The following GREB1L variants were observed in gnomAD, a reference collection of about 807,000 sequenced individuals.
GREB1L encodes the protein GREB1-like protein.
GREB1L carries 17 observed loss-of-function variants against 200.8 expected under a neutral mutation model. The observed-to-expected ratio is 0.08, with a 90% CI of 0.06 to 0.13. The LOEUF is 0.13. GREB1L is among the 10% of genes least tolerant of loss of function. The probability of loss-of-function intolerance (pLI) is 1.00; values close to 1 mark genes in which losing one functional copy is unlikely to be tolerated. For missense variants in GREB1L, 1,657 were observed against 2,367.7 expected, an observed-to-expected ratio of 0.70 and a Z score of 6.23; for synonymous variants, 789 against 893.0, an observed-to-expected ratio of 0.88 and a Z score of 2.08.
chr18:21,331,557 C>A (rs1286468880), intron 1 of GREB1L, among the ~76,000 whole-genome samples: 1 of 152,172 alleles, frequency 6.6e-6, no homozygotes, highest in African/African-American at 2.4e-5. Flanking sequence ...TCTAAGAATT[C>A]TTGGAGACCC....
At chr18:21,446,556 C>T (rs1429386694) in intron 11 of GREB1L, among the ~76,000 whole-genome samples, 2 of 152,176 alleles carry the variant, frequency 1.3e-5, no homozygotes, top group Non-Finnish European at 2.9e-5. Context: ...TTAGGCCTCT[C>T]GATATACATG....
At chr18:21,331,374 A>G (rs2039104933) in intron 1 of GREB1L, among the ~76,000 whole-genome samples, 1 of 152,208 alleles carries the variant, frequency 6.6e-6, no homozygotes, top group African/African-American at 2.4e-5. Context: ...AATCGGAGAA[A>G]TCCCTTTAAG....
At chr18:21,270,450 G>A (rs1255450362) in intron 1 of GREB1L, among the ~76,000 whole-genome samples, 1 of 152,160 alleles carries the variant, frequency 6.6e-6, no homozygotes, top group Non-Finnish European at 1.5e-5. Context: ...ATTATCATCT[G>A]TGGCTATTCC....
chr18:21,343,470 G>A (rs2039296844), intron 1 of GREB1L, among the ~76,000 whole-genome samples: 1 of 152,174 alleles, frequency 6.6e-6, no homozygotes, highest in African/African-American at 2.4e-5. Flanking sequence ...CTCAGGTATG[G>A]TTTAAAGGTC....
chr18:21,422,098 G>A (rs1271919852), intron 7 of GREB1L, among the ~76,000 whole-genome samples: 3 of 152,254 alleles, frequency 2.0e-5, no homozygotes, highest in African/African-American at 7.2e-5. Context: ...GTGCTTACAA[G>A]TTCCTTCTTT....
intron 1 of GREB1L, among the ~76,000 whole-genome samples, chr18:21,249,626 C>T (rs1206563845): frequency 2.6e-5 from 4 of 151,788 alleles, no homozygotes; most frequent in South Asian, 4.2e-4. Context: ...AGACCAAGGT[C>T]GGTGGATCAC....
chr18:21,464,222 A>C (rs1403074639), intron 15 of GREB1L, among the ~76,000 whole-genome samples: 1 of 152,176 alleles, frequency 6.6e-6, no homozygotes, highest in African/African-American at 2.4e-5. Flanking sequence ...TGGATACTAA[A>C]GCCATTGAAT....
In GREB1L at chr18:21,475,453, G is replaced by A. The variant is rs1046160513; in HGVS notation, c.2364-1711G>A. Among the ~76,000 whole-genome samples the A allele has an allele frequency of 3.9e-5, 6 of 152,034 alleles. No homozygotes were observed. In the South Asian group the frequency reaches 1.2e-3, roughly 32 times the overall value. ...CGGCTCACTGCAACCCCCGCCTTCC[G>A]GGTTCAAGCAATTCTGTGCCTCAGC... On this transcript the variant is annotated intron_variant, in intron 16 of 32. Transcript: ENST00000424526.
intron 1 of GREB1L, among the ~76,000 whole-genome samples, chr18:21,353,266 G>A (rs1033160241): frequency 2.6e-5 from 4 of 151,820 alleles, no homozygotes; most frequent in Non-Finnish European, 4.4e-5. Context: ...ACATATCTAT[G>A]TCAAAAATAT....
At chr18:21,425,175 A>G (rs1291074309) in intron 7 of GREB1L, among the ~76,000 whole-genome samples, 2 of 152,184 alleles carry the variant, frequency 1.3e-5, no homozygotes, top group South Asian at 2.1e-4. Context: ...TATCAGATAC[A>G]TGATTTTCAA....
rs1157864783 is a variant in GREB1L, at chr18:21,278,058, AT to A, written c.-120+35668del. 2.0e-5 allele frequency among the ~76,000 whole-genome samples: 3 copies of A among 152,272 alleles called. No homozygotes were observed. In the South Asian group the frequency reaches 6.2e-4, roughly 32 times the overall value. On this transcript the variant is annotated intron_variant, in intron 1 of 32. Transcript: ENST00000424526. Reference sequence around the variant, plus strand: ...TGACTTTTTATTTAGTGTTGAAGCCATTTAGGCTTATAGATTGAAGGATATT... The same window carrying A: ...TGACTTTTTATTTAGTGTTGAAGCCATTAGGCTTATAGATTGAAGGATATT...
chr18:21,490,009 A>C lies in GREB1L; in HGVS notation c.2691-3A>C. The C allele has an allele frequency of 1.3e-6, 2 of 1,548,766 alleles. No homozygotes were observed. Among genetic ancestry groups the C allele is most frequent in the Non-Finnish European group, 1.7e-6 (2 of 1,145,270 alleles). ...AGTGCTAGTGCCTTGTTTTCTGTTG[A>C]AGGTACCCCAGGCTGCACAGCATGG... is the stretch of plus-strand genomic sequence containing the variant. On this transcript the variant is annotated splice_polypyrimidine_tract_variant and splice_region_variant and intron_variant, in intron 18 of 32. Transcript: ENST00000424526.
At chr18:21,399,605 A>G (rs2041234596) in intron 5 of GREB1L, among the ~76,000 whole-genome samples, 1 of 152,164 alleles carries the variant, frequency 6.6e-6, no homozygotes, top group South Asian at 2.1e-4. Context: ...GTATTGGACA[A>G]ATAGTCAAAT....
Position 21,513,814 on chromosome 18 carries a change from C to T in GREB1L, c.4736-7C>T. On this transcript the variant is annotated splice_region_variant and splice_polypyrimidine_tract_variant and intron_variant, in intron 27 of 32. Transcript: ENST00000424526. ...GGATATGCAGATGTGGTTATGTTGC[C>T]TTCCAGGTGCTGCCAGGTTCCTCAT... is the stretch of plus-strand genomic sequence containing the variant. The T allele has an allele frequency of 6.4e-7, 1 of 1,550,692 alleles. No individual in the cohort carries two copies. The highest frequency in any genetic ancestry group is 8.7e-7 in the Non-Finnish European group (1 of 1,146,752).
chr18:21,465,086 T>G (rs144763525), intron 15 of GREB1L, among the ~76,000 whole-genome samples: 95 of 152,310 alleles, frequency 6.2e-4, no homozygotes, highest in African/African-American at 2.2e-3. Flanking sequence ...TTACCTCACA[T>G]ACTTATTATT....
At position 21,502,891 on chromosome 18, in the gene GREB1L, T is replaced by C. The variant is rs1177308683; in HGVS notation, c.4072+2249T>C. On this transcript the variant is annotated intron_variant, in intron 23 of 32. Transcript: ENST00000424526. ...GATCTTGACTCTTACTCTGTGCCGG[T>C]GAGCTGTGAGAGTCTGCTACAGCCT... Among the ~76,000 whole-genome samples, 15 of 152,336 alleles carry C rather than the reference T, an allele frequency of 9.8e-5. No homozygotes were observed. In the South Asian group the frequency reaches 1.7e-3, roughly 17 times the overall value.
In GREB1L at chr18:21,416,651, C is replaced by T. The variant is rs143048606; in HGVS notation, c.832+12657C>T. ...AGAGCTTGCAGTGAGCCAAGATTGCCCCACTGTACTCCAGCCTGGCTGACA... is the reference window on the plus strand; with the variant it reads ...AGAGCTTGCAGTGAGCCAAGATTGCTCCACTGTACTCCAGCCTGGCTGACA... On this transcript the variant is annotated intron_variant, in intron 7 of 32. Coordinates refer to ENST00000424526, the MANE Select transcript of GREB1L (RefSeq NM_001142966.3). 1.7e-4 allele frequency among the ~76,000 whole-genome samples: 25 copies of T among 150,734 alleles called. 1 individual carries two copies. The East Asian group carries it at 4.7e-3, about 28-fold the overall frequency.
chr18:21,506,672 G>A (rs1202285593), intron 25 of GREB1L, among the ~76,000 whole-genome samples: 2 of 152,210 alleles, frequency 1.3e-5, no homozygotes, highest in Non-Finnish European at 2.9e-5. Flanking sequence ...TTTGAGCTGT[G>A]ATTCTAACAA....
At position 21,514,489 on chromosome 18, in the gene GREB1L, TG is replaced by T. The variant is rs531931841; in HGVS notation, c.4901+506del. Among the ~76,000 whole-genome samples, 908 of 152,332 alleles carry T rather than the reference TG, an allele frequency of 6.0e-3. 8 individuals carry two copies. Among genetic ancestry groups the T allele is most frequent in the Admixed American group, 0.015 (229 of 15,304 alleles). On this transcript the variant is annotated intron_variant, in intron 28 of 32. Transcript: ENST00000424526. Reference sequence around the variant, plus strand: ...GAGATTGTGCCACTGCACTCCAACCTGGGTGACAGAGCGAGACTCTGTCTCA... The same window carrying T: ...GAGATTGTGCCACTGCACTCCAACCTGGTGACAGAGCGAGACTCTGTCTCA...
Sources: gnomAD v4.1 joint callset for allele counts (sites outside exome capture counted in the v4.1 genomes callset) on GRCh38, gnomAD v4.1.1 for gene constraint, MANE v1.5 for transcripts, NCBI Gene and HGNC (gene_info 2026-07-23, HGNC 2026-07-21) for gene names.